The following KLRG2 variants were observed in gnomAD, a reference collection of about 807,000 sequenced individuals.
The protein encoded by KLRG2 is killer cell lectin like receptor G2.
KLRG2 carries 39 observed loss-of-function variants against 35.4 expected under a neutral mutation model. The ratio of observed to expected loss-of-function variants is 1.10; its 90% CI spans 0.85 to 1.44. The LOEUF (loss-of-function observed/expected upper bound fraction) is 1.44, where lower values mean the gene tolerates loss of function less well. Ranked by LOEUF, KLRG2 falls within the 40% of genes most tolerant of loss-of-function variation. KLRG2 has a pLI of 0.00. For missense variants in KLRG2, 632 were observed against 570.9 expected (o/e 1.11, Z -1.09); for synonymous variants, 283 against 265.8 (o/e 1.06, Z -0.63).
chr7:139,482,835 T>A, intron 1 of KLRG2, 51 bp downstream of exon 1: 2 of 1,355,626 alleles, frequency 1.5e-6, no homozygotes, highest in Non-Finnish European at 1.9e-6. Context: ...GGGTTTCGGC[T>A]ACGTCCACCC....
the KLRG2 span, among the ~76,000 whole-genome samples, chr7:139,440,224 C>T: frequency 6.6e-6 from 1 of 152,094 alleles, no homozygotes; most frequent in South Asian, 2.1e-4. Flanking sequence ...ATTCTTGTGC[C>T]TCAGCCTCCT....
downstream of KLRG2, among the ~76,000 whole-genome samples, chr7:139,450,519 A>G (rs975222174): frequency 3.9e-5 from 6 of 152,242 alleles, no homozygotes; most frequent in African/African-American, 1.4e-4. Flanking sequence ...CACTGCGCCT[A>G]GCCATATTAA....
At chr7:139,440,275 ATTTTTTT>A in the KLRG2 span, among the ~76,000 whole-genome samples, 6 of 130,120 alleles carry the variant, frequency 4.6e-5, no homozygotes, top group Admixed American at 3.9e-4. Context: ...ACACCTGGCT[ATTTTTTT>A]TTTTTTTTTG....
intron 3 of KLRG2, among the ~76,000 whole-genome samples, chr7:139,461,090 A>G (rs1796560309): frequency 6.6e-6 from 1 of 152,160 alleles, no homozygotes; most frequent in South Asian, 2.1e-4. Context: ...CTCTACTAAA[A>G]AACACAAAAA....
chr7:139,434,350 C>G, the KLRG2 span, among the ~76,000 whole-genome samples: 2 of 152,202 alleles, frequency 1.3e-5, no homozygotes, highest in African/African-American at 2.4e-5. Flanking sequence ...CATTCTCCTT[C>G]TCTTACTCCC....
chr7:139,477,967 C>A (rs1284277409), intron 3 of KLRG2, among the ~76,000 whole-genome samples: 4 of 151,826 alleles, frequency 2.6e-5, no homozygotes, highest in Non-Finnish European at 4.4e-5. Context: ...ACCGTGTTAG[C>A]CAAGATGGTC....
intron 3 of KLRG2, among the ~76,000 whole-genome samples, chr7:139,475,854 C>G (rs997375725): frequency 6.6e-6 from 1 of 151,936 alleles, no homozygotes; most frequent in African/African-American, 2.4e-5. Context: ...GGGACTGAAC[C>G]CTCAAACTGT....
intron 3 of KLRG2, among the ~76,000 whole-genome samples, chr7:139,463,258 T>C (rs767940723): frequency 5.3e-5 from 8 of 152,174 alleles, no homozygotes; most frequent in Non-Finnish European, 1.0e-4. Context: ...AAGAAGGCCA[T>C]CTTATTCTTA....
chr7:139,440,378 G>A, the KLRG2 span, among the ~76,000 whole-genome samples: 1 of 126,356 alleles, frequency 7.9e-6, no homozygotes, highest in South Asian at 2.6e-4. Context: ...TCCCAAAAGT[G>A]TTGGGATTAC....
chr7:139,483,332 G>A lies in KLRG2; in HGVS notation c.311C>T (p.Pro104Leu). Residue 104 changes from proline to leucine, a missense_variant, in exon 1 of 5, where the codon CCC becomes CTC. By Grantham distance (98) the Pro-to-Leu change is moderately conservative. Transcript: ENST00000340940. ...AGCCCCGGGCGCCTCGCCATTCCGGGGCAGCTTGACCAAGGCAGGGCCCGG... is the reference window on the plus strand; with the variant it reads ...AGCCCCGGGCGCCTCGCCATTCCGGAGCAGCTTGACCAAGGCAGGGCCCGG... The part of the protein sequence containing the change: ...PSPGPALVKL[P>L]RNGEAPGAEP... 1 of 1,545,678 alleles carries A rather than the reference G, an allele frequency of 6.5e-7. No individual in the cohort carries two copies. Among genetic ancestry groups the A allele is most frequent in the African/African-American group, 1.4e-5 (1 of 71,072 alleles).
the KLRG2 span, among the ~76,000 whole-genome samples, chr7:139,430,107 A>G: frequency 6.6e-6 from 1 of 152,342 alleles, no homozygotes; most frequent in East Asian, 1.9e-4. Context: ...TCATTATGAA[A>G]TGAAAGTTAA....
At chr7:139,443,373 A>T in the KLRG2 span, among the ~76,000 whole-genome samples, 2 of 152,114 alleles carry the variant, frequency 1.3e-5, no homozygotes, top group Non-Finnish European at 2.9e-5. Context: ...GGAGTGAGTC[A>T]CTGGCACCTG....
the KLRG2 span, among the ~76,000 whole-genome samples, chr7:139,432,340 G>C: frequency 6.6e-6 from 1 of 151,900 alleles, no homozygotes; most frequent in Non-Finnish European, 1.5e-5. Context: ...TCAACAGAGA[G>C]GGACTCTGTC....
At chr7:139,481,322 T>G (rs939796420) in intron 1 of KLRG2, among the ~76,000 whole-genome samples, 2 of 152,198 alleles carry the variant, frequency 1.3e-5, no homozygotes, top group African/African-American at 4.8e-5. Context: ...AGACACTAAG[T>G]TTGTGGTAAT....
At chr7:139,435,826 C>T in the KLRG2 span, among the ~76,000 whole-genome samples, 1 of 152,142 alleles carries the variant, frequency 6.6e-6, no homozygotes, top group Admixed American at 6.5e-5. Context: ...GCCGCTTACC[C>T]ACTTAAAGTC....
chr7:139,483,309 C>G lies in KLRG2; in HGVS notation c.334G>C (p.Ala112Pro), dbSNP rs1187334223. The G allele has an allele frequency of 1.3e-6, 2 of 1,552,806 alleles. No homozygotes were observed. Among genetic ancestry groups the G allele is most frequent in the Non-Finnish European group, 1.7e-6 (2 of 1,160,782 alleles). The change falls in exon 1 of 5, where the codon GCT (alanine) becomes CCT (proline). Residue 112 changes from alanine (A) to proline (P), a missense_variant. Physicochemically the swap from Ala to Pro is conservative, Grantham distance 27 (BLOSUM62 -1). Transcript: ENST00000340940. ...GCCCAGGCGCTGGGCGCAGGCTCAG[C>G]CCCGGGCGCCTCGCCATTCCGGGGC... ...KLPRNGEAPG[A>P]EPAPSAWAPM... is the part of the protein sequence containing the mutation.
At chr7:139,454,035 A>C in intron 4 of KLRG2, 76 bp downstream of exon 4, 2 of 943,764 alleles carry the variant, frequency 2.1e-6, no homozygotes, top group South Asian at 2.8e-5. Flanking sequence ...CTAGGGGAGC[A>C]GCAAGGAGGT....
intron 3 of KLRG2, among the ~76,000 whole-genome samples, chr7:139,469,254 G>C (rs1344795832): frequency 6.6e-6 from 1 of 152,174 alleles, no homozygotes; most frequent in Non-Finnish European, 1.5e-5. Flanking sequence ...CTGCCTCCCA[G>C]GTTCAAGCGA....
At chr7:139,439,818 G>A in the KLRG2 span, among the ~76,000 whole-genome samples, 13 of 152,228 alleles carry the variant, frequency 8.5e-5, no homozygotes, top group Admixed American at 5.2e-4. Context: ...CAGACTGGGT[G>A]GCTTAAACAA....
Sources: allele counts gnomAD v4.1 joint callset (sites outside exome capture counted in the v4.1 genomes callset), GRCh38; gene constraint gnomAD v4.1.1; transcripts MANE v1.5; gene names NCBI Gene and HGNC (gene_info 2026-07-23, HGNC 2026-07-21).